The following GLI3 variants were observed in gnomAD, a reference collection of about 807,000 sequenced individuals.
GLI3 encodes the protein GLI family zinc finger 3.
GLI3 carries 20 observed loss-of-function variants against 100.8 expected under a neutral mutation model. The ratio of observed to expected loss-of-function variants is 0.20; its 90% CI spans 0.14 to 0.29. GLI3 has a LOEUF of 0.29. GLI3 is among the 10% of genes least tolerant of loss of function. GLI3 has a pLI of 1.00. For synonymous variants in GLI3, 938 were observed against 860.5 expected, an observed-to-expected ratio of 1.09 and a Z score of -1.58; for missense variants, 2,040 against 2,128.5, an observed-to-expected ratio of 0.96 and a Z score of 0.82.
chr7:41,965,539 C>G lies in GLI3; in HGVS notation c.3534G>C (p.Lys1178Asn), dbSNP rs982488568. Residue 1178 changes from lysine to asparagine, a missense_variant, in exon 15 of 15, where the codon AAG becomes AAC. By Grantham distance (94) the Lys-to-Asn change is moderately conservative (BLOSUM62 0). Around this residue, in one of 5 missense-constraint regions of GLI3, gnomAD observed 1,041 missense variants for 924.0 expected, o/e 1.13. Transcript: ENST00000395925. The stretch of plus-strand genomic sequence containing the variant: ...GCGGCACAGCGGGCCGCGGCCCACA[C>G]TTGAGCTTGGAGGAGGACAGGTCGG... ...GSADLSSSKL[K>N]CGPRPAVPQT... 2 of 1,605,772 alleles carry G rather than the reference C, an allele frequency of 1.2e-6. No homozygotes were observed. The highest frequency in any genetic ancestry group is 1.6e-4 in the Middle Eastern group (1 of 6,066).
intron 3 of GLI3, among the ~76,000 whole-genome samples, chr7:42,086,753 T>A (rs1052954999): frequency 6.6e-6 from 1 of 152,166 alleles, no homozygotes; most frequent in Admixed American, 6.5e-5. Context: ...CCCTTCTCCA[T>A]AATTCAGGTT....
rs780902726 is a variant in GLI3 at position 41,966,079 on chromosome 7, C to T, written c.2994G>A (p.Pro998=). The T allele has an allele frequency of 1.3e-6, 2 of 1,571,418 alleles. No individual in the cohort carries two copies. The highest frequency in any genetic ancestry group is 1.3e-5 in the African/African-American group (1 of 74,102). Residue 998 remains proline, a synonymous_variant, in exon 15 of 15, where the codon CCG becomes CCA. Coordinates refer to ENST00000395925, the MANE Select transcript of GLI3 (RefSeq NM_000168.6). The surrounding 1 kb of genome is among the most constrained non-coding windows in gnomAD (Gnocchi z 5.8). ...GRRHLQPHDA[P]GHGVRRASDP... is the part of the protein sequence containing the mutation. ...CGCTGGCCCTCCTCACGCCGTGGCCCGGCGCATCGTGCGGCTGCAGGTGGC... is the reference window on the plus strand; with the variant it reads ...CGCTGGCCCTCCTCACGCCGTGGCCTGGCGCATCGTGCGGCTGCAGGTGGC...
chr7:42,172,140 T>C (rs957350900), intron 2 of GLI3, among the ~76,000 whole-genome samples: 3 of 152,174 alleles, frequency 2.0e-5, no homozygotes, highest in East Asian at 1.9e-4. Context: ...TGGAAATTCT[T>C]TTTAATTTGC....
chr7:42,256,016 G>C (rs1012723245), intron 1 of GLI3, among the ~76,000 whole-genome samples: 1 of 152,024 alleles, frequency 6.6e-6, no homozygotes, highest in Non-Finnish European at 1.5e-5. Flanking sequence ...AGTGTGTAGC[G>C]GTATCCCATT....
At chr7:42,113,523 GA>G in intron 3 of GLI3, 8 of 1,161,614 alleles carry the variant, frequency 6.9e-6, no homozygotes, top group Non-Finnish European at 1.0e-5. Flanking sequence ...GGGAAAAAGG[GA>G]AAAGCTGATG....
chr7:42,260,733 G>T (rs1789129421), intron 1 of GLI3, among the ~76,000 whole-genome samples: 1 of 152,190 alleles, frequency 6.6e-6, no homozygotes, highest in African/African-American at 2.4e-5. Flanking sequence ...ATGTTGGCTT[G>T]CATCTGAGTG....
intron 10 of GLI3, among the ~76,000 whole-genome samples, chr7:42,013,543 A>G (rs999843587): frequency 4.5e-4 from 69 of 151,912 alleles, no homozygotes; most frequent in African/African-American, 1.6e-3. Flanking sequence ...TAGTATTATT[A>G]TTGTTATTTT....
intron 4 of GLI3, among the ~76,000 whole-genome samples, chr7:42,049,709 T>C (rs1784315123): frequency 6.6e-6 from 1 of 152,068 alleles, no homozygotes; most frequent in Non-Finnish European, 1.5e-5. Flanking sequence ...ACTTCTAGAA[T>C]GGCCAGTCTG....
chr7:42,053,651 A>G (rs1208615303), intron 4 of GLI3, among the ~76,000 whole-genome samples: 1 of 152,162 alleles, frequency 6.6e-6, no homozygotes, highest in Non-Finnish European at 1.5e-5. Flanking sequence ...ACTGAGGATC[A>G]CCGCTTTCGG....
At chr7:42,205,514 G>T (rs1180953463) in intron 2 of GLI3, among the ~76,000 whole-genome samples, 1 of 152,178 alleles carries the variant, frequency 6.6e-6, no homozygotes, top group Non-Finnish European at 1.5e-5. Flanking sequence ...TCAAAGAACA[G>T]AGAGGGCAGC....
chr7:42,076,886 T>A (rs1784889243), intron 3 of GLI3, 29 bp from the exon 4 acceptor site: 1 of 1,306,640 alleles, frequency 7.7e-7, no homozygotes. Context: ...CCAATCTATA[T>A]CAAATGAACA....
rs111714965 is a variant in GLI3, at chr7:41,998,854, T to G, written c.1498-20106A>C. On this transcript the variant is annotated intron_variant, in intron 10 of 14. Transcript: ENST00000395925. ...TAACACCTGCAATTATTTTGCATCTTTCTCTTCTGCTAAAAATATTAGTTT... is the reference window on the plus strand; with the variant it reads ...TAACACCTGCAATTATTTTGCATCTGTCTCTTCTGCTAAAAATATTAGTTT... Among the ~76,000 whole-genome samples, 110 of 152,354 alleles carry G rather than the reference T, an allele frequency of 7.2e-4. 1 individual carries two copies. Among genetic ancestry groups the G allele is most frequent in the African/African-American group, 2.5e-3 (103 of 41,582 alleles).
intron 10 of GLI3, among the ~76,000 whole-genome samples, chr7:41,979,251 A>G (rs1787590807): frequency 6.6e-6 from 1 of 152,234 alleles, no homozygotes; most frequent in African/African-American, 2.4e-5. Context: ...TCCAGAACAA[A>G]AAAACCAAAA....
chr7:42,107,046 C>T (rs9986672), intron 3 of GLI3, among the ~76,000 whole-genome samples: 46,415 of 151,966 alleles, frequency 0.31, 7,238 homozygotes, highest in Middle Eastern at 0.41. Flanking sequence ...TCAGGTGTGG[C>T]GGCTCACACC....
intron 2 of GLI3, among the ~76,000 whole-genome samples, chr7:42,165,359 C>T (rs1259785564): frequency 6.6e-6 from 1 of 152,110 alleles, no homozygotes; most frequent in African/African-American, 2.4e-5. Context: ...TATCTTTCTA[C>T]ATGAAGGTTT....
chr7:41,999,726 T>G lies in GLI3; in HGVS notation c.1498-20978A>C, dbSNP rs544753947. ...ATTTGATAACATCCAAATGAGTCTA[T>G]CCTCTGTTTGGTGAAAAGAACCTTT... On this transcript the variant is annotated intron_variant, in intron 10 of 14. Coordinates refer to ENST00000395925, the MANE Select transcript of GLI3 (RefSeq NM_000168.6). Among the ~76,000 whole-genome samples, 10 of 152,316 alleles carry G rather than the reference T, an allele frequency of 6.6e-5. No homozygotes were observed. In the East Asian group the frequency reaches 1.9e-3, roughly 29 times the overall value.
At chr7:42,036,049 CTG>C (rs1789428522) in intron 7 of GLI3, among the ~76,000 whole-genome samples, 1 of 152,126 alleles carries the variant, frequency 6.6e-6, no homozygotes, top group African/African-American at 2.4e-5. Flanking sequence ...TAATCAAGTA[CTG>C]TTATAATATG....
intron 10 of GLI3, among the ~76,000 whole-genome samples, chr7:42,021,947 G>A (rs562775092): frequency 6.6e-6 from 1 of 152,156 alleles, no homozygotes; most frequent in East Asian, 1.9e-4. Flanking sequence ...ATATTCCAAT[G>A]TTTTTGTGAT....
intron 2 of GLI3, among the ~76,000 whole-genome samples, chr7:42,178,397 A>C (rs934735943): frequency 6.6e-6 from 1 of 152,192 alleles, no homozygotes; most frequent in African/African-American, 2.4e-5. Flanking sequence ...GGCAGATACC[A>C]TGGTACTGAC....
Sources: gnomAD v4.1 joint callset for allele counts (sites outside exome capture counted in the v4.1 genomes callset) on GRCh38, gnomAD v4.1.1 for gene constraint, gnomAD v4.1.1 regional missense constraint, Gnocchi (gnomAD v3.1) non-coding constraint, MANE v1.5 for transcripts, NCBI Gene and HGNC (gene_info 2026-07-23, HGNC 2026-07-21) for gene names.